CNGA1: variants seen among roughly 807,000 people sequenced by gnomAD.
CNGA1 encodes the protein cyclic nucleotide gated channel subunit alpha 1, also known as cyclic nucleotide-gated channel alpha-1.
A neutral mutation model predicts 69.7 loss-of-function variants in CNGA1; 53 were observed. That is an observed-to-expected ratio of 0.76 (90% CI 0.61 to 0.96). CNGA1 has a LOEUF of 0.96. CNGA1 is among the 40% of genes least tolerant of loss of function. The pLI is 0.00. For synonymous variants in CNGA1, 249 were observed against 283.5 expected (o/e 0.88, Z 1.22); for missense variants, 739 against 811.2 (o/e 0.91, Z 1.08).
intron 2 of CNGA1, among the ~76,000 whole-genome samples, chr4:47,987,813 A>G (rs1208121144): frequency 4.6e-5 from 7 of 152,230 alleles, no homozygotes; most frequent in Non-Finnish European, 1.0e-4. Context: ...AGACCTGAAT[A>G]TAGACACAGA....
At chr4:47,957,423 A>C (rs868361546) in intron 3 of CNGA1, among the ~76,000 whole-genome samples, 7 of 152,054 alleles carry the variant, frequency 4.6e-5, no homozygotes, top group African/African-American at 1.7e-4. Flanking sequence ...AAGACTGGGC[A>C]ACATAGCAAG....
At chr4:47,979,467 C>A (rs1426965084) in intron 3 of CNGA1, among the ~76,000 whole-genome samples, 1 of 152,064 alleles carries the variant, frequency 6.6e-6, no homozygotes, top group Non-Finnish European at 1.5e-5. Context: ...AATATAGTAG[C>A]CCAGATACCA....
chr4:47,948,800 GT>G (rs1739574271), intron 6 of CNGA1, among the ~76,000 whole-genome samples: 2 of 152,188 alleles, frequency 1.3e-5, no homozygotes, highest in African/African-American at 4.8e-5. Context: ...GAAGGGCATG[GT>G]GACCCAGGGC....
chr4:47,962,478 G>A (rs959388987), intron 3 of CNGA1, among the ~76,000 whole-genome samples: 5 of 151,728 alleles, frequency 3.3e-5, no homozygotes, highest in Non-Finnish European at 7.4e-5. Context: ...TAATTTACTT[G>A]ACAATTTACT....
At chr4:48,013,521 T>C (rs1715253339) in intron 1 of CNGA1, among the ~76,000 whole-genome samples, 1 of 152,222 alleles carries the variant, frequency 6.6e-6, no homozygotes. Flanking sequence ...GGGACGGGGC[T>C]TTCCAGGTCA....
In CNGA1 at chr4:47,937,587, G is replaced by A. The variant is rs1738752047; in HGVS notation, c.895C>T (p.Leu299Phe). 3 of 1,613,926 alleles carry A rather than the reference G, an allele frequency of 1.9e-6. No individual in the cohort carries two copies. Among genetic ancestry groups the A allele is most frequent in the African/African-American group, 2.7e-5 (2 of 74,884 alleles). ...ATAATGATGACGATATACATAACAA[G>A]GTTGGAAATCCTGAAGATGTTTGGA... Reference protein sequence around the residue: ...NYPNIFRISNLVMYIVIIIHW... With the variant: ...NYPNIFRISNFVMYIVIIIHW... The change falls in exon 11 of 11, where the codon CTT (leucine) becomes TTT (phenylalanine). Residue 299 changes from leucine (L) to phenylalanine (F), a missense_variant. By Grantham distance (22) the Leu-to-Phe change is conservative. Transcript: ENST00000514170.
At chr4:47,961,607 G>A (rs2110178603) in intron 3 of CNGA1, among the ~76,000 whole-genome samples, 1 of 152,300 alleles carries the variant, frequency 6.6e-6, no homozygotes, top group Middle Eastern at 3.4e-3. Flanking sequence ...AGTCAGGCAT[G>A]GTAGTGCATG....
chr4:47,951,322 C>A (rs750466855), intron 5 of CNGA1, 31 bp downstream of exon 5: 3 of 1,409,754 alleles, frequency 2.1e-6, no homozygotes, highest in Non-Finnish European at 2.0e-6. Flanking sequence ...TGGTTAAAAA[C>A]AAGCACCAAG....
chr4:47,974,068 C>CTAGATAGATAGATAGA (rs66992308), intron 3 of CNGA1, among the ~76,000 whole-genome samples: 3 of 138,038 alleles, frequency 2.2e-5, no homozygotes, highest in African/African-American at 5.8e-5. Flanking sequence ...AACCTGGTCT[C>CTAGATAGATAGATAGA]TAGATAGATA....
At chr4:47,948,378 A>G (rs1258962044) in intron 6 of CNGA1, among the ~76,000 whole-genome samples, 1 of 152,188 alleles carries the variant, frequency 6.6e-6, no homozygotes, top group Non-Finnish European at 1.5e-5. Context: ...ATATGCTAAA[A>G]CAATGATCAT....
intron 3 of CNGA1, 172 bp from the exon 4 acceptor site, chr4:47,952,875 T>A: frequency 2.6e-6 from 1 of 382,782 alleles, no homozygotes; most frequent in Non-Finnish European, 4.5e-6. Context: ...TCCACATGGC[T>A]AGGGGGAGCC....
chr4:47,982,950 G>A (rs1168486688), intron 2 of CNGA1, among the ~76,000 whole-genome samples: 1 of 152,032 alleles, frequency 6.6e-6, no homozygotes, highest in Non-Finnish European at 1.5e-5. Flanking sequence ...GATTACAGAT[G>A]TGTGCTACCA....
At position 48,010,890 on chromosome 4, in the gene CNGA1, C is replaced by A; in HGVS notation, c.-219G>T. 6.5e-6 allele frequency: 1 copy of A among 152,766 alleles called. No homozygotes were observed. Among genetic ancestry groups the A allele is most frequent in the South Asian group, 2.0e-4 (1 of 5,108 alleles). 9.5% of individuals were successfully genotyped at this position (152,766 alleles called of 1,614,324 possible). A position where few individuals can be genotyped will look rare whatever the true frequency, so the allele number is the denominator to read the frequency against. ...GTGGACGGCAAGCGAAAGCTCAGCT[C>A]GAGCTGTAACAAACATGGACCAGAA... On this transcript the variant is annotated 5_prime_UTR_variant, in exon 2 of 11. Coordinates refer to ENST00000514170, the MANE Select transcript of CNGA1 (RefSeq NM_001379270.1).
At chr4:47,988,135 T>C (rs1313602380) in intron 2 of CNGA1, among the ~76,000 whole-genome samples, 1 of 151,944 alleles carries the variant, frequency 6.6e-6, no homozygotes, top group African/African-American at 2.4e-5. Context: ...TAAGATTTGG[T>C]GATTGATTGT....
At chr4:47,958,775 T>C (rs904547617) in intron 3 of CNGA1, among the ~76,000 whole-genome samples, 1 of 152,200 alleles carries the variant, frequency 6.6e-6, no homozygotes, top group Non-Finnish European at 1.5e-5. Context: ...TGTGAGCTCT[T>C]CGGAAAAGTT....
chr4:47,954,026 A>G (rs779418146), intron 3 of CNGA1, among the ~76,000 whole-genome samples: 1 of 152,100 alleles, frequency 6.6e-6, no homozygotes, highest in African/African-American at 2.4e-5. Context: ...TATAAACCTG[A>G]GACCTTAGCG....
chr4:47,939,793 T>C (rs1738957752), intron 10 of CNGA1, among the ~76,000 whole-genome samples: 1 of 152,056 alleles, frequency 6.6e-6, no homozygotes, highest in Non-Finnish European at 1.5e-5. Context: ...TGGGTTGTTG[T>C]TTTTTTTCCC....
At chr4:47,977,692 T>C (rs1197791384) in intron 3 of CNGA1, among the ~76,000 whole-genome samples, 1 of 152,198 alleles carries the variant, frequency 6.6e-6, no homozygotes, top group Admixed American at 6.5e-5. Context: ...CAGAACCTTA[T>C]ACAGTGCCTT....
intron 3 of CNGA1, among the ~76,000 whole-genome samples, chr4:47,979,360 CT>C (rs1366410730): frequency 1.3e-5 from 2 of 150,776 alleles, no homozygotes; most frequent in Non-Finnish European, 2.9e-5. Flanking sequence ...CAAGGGTTGT[CT>C]GCTCATGGGA....
Sources: allele counts gnomAD v4.1 joint callset (sites outside exome capture counted in the v4.1 genomes callset), GRCh38; gene constraint gnomAD v4.1.1; transcripts MANE v1.5; gene names NCBI Gene and HGNC (gene_info 2026-07-23, HGNC 2026-07-21).